The following IL1RAPL1 variants were observed in gnomAD, a reference collection of about 807,000 sequenced individuals.
IL1RAPL1 encodes the protein interleukin-1 receptor accessory protein-like 1.
In IL1RAPL1, 3 loss-of-function variants were observed where a neutral mutation model predicts 48.4. That is an observed-to-expected ratio of 0.06 (90% CI 0.03 to 0.16). IL1RAPL1 has a LOEUF of 0.16. Among genes scored for constraint, IL1RAPL1 ranks in the 10% least tolerant of loss-of-function variants. The pLI, the probability that IL1RAPL1 is intolerant of heterozygous loss-of-function variation, is 1.00. For missense variants in IL1RAPL1, 349 were observed against 530.6 expected, an observed-to-expected ratio of 0.66 and a Z score of 3.36; for synonymous variants, 185 against 187.7, an observed-to-expected ratio of 0.99 and a Z score of 0.12.
At chrX:28,785,254 A>G (rs189081891) in intron 1 of IL1RAPL1, among the ~76,000 whole-genome samples, 1 of 111,530 alleles carries the variant, frequency 9.0e-6, no homozygotes, top group East Asian at 2.9e-4. Flanking sequence ...CCTCCCCAGT[A>G]CCTGGGACTA....
intron 3 of IL1RAPL1, among the ~76,000 whole-genome samples, chrX:29,312,692 A>G (rs1932743806): frequency 9.0e-6 from 1 of 111,567 alleles, no homozygotes; most frequent in African/African-American, 3.3e-5. Flanking sequence ...AGTATACACC[A>G]CAGAAACAGA....
intron 2 of IL1RAPL1, among the ~76,000 whole-genome samples, chrX:28,849,262 A>G (rs1192902189): frequency 9.0e-6 from 1 of 111,611 alleles, no homozygotes; most frequent in African/African-American, 3.3e-5. Context: ...AAGAAGTACA[A>G]TTGAATTAAT....
chrX:28,588,487 T>C (rs1430945059), intron 1 of IL1RAPL1, among the ~76,000 whole-genome samples: 2 of 111,936 alleles, frequency 1.8e-5, no homozygotes, highest in African/African-American at 3.2e-5. Context: ...CTACTCTCTA[T>C]GCATTAAAAG....
At chrX:28,710,625 C>T (rs1391216302) in intron 1 of IL1RAPL1, among the ~76,000 whole-genome samples, 5 of 110,797 alleles carry the variant, frequency 4.5e-5, no homozygotes, top group African/African-American at 1.6e-4. Context: ...CTGTCCAAAA[C>T]AAATATTATG....
rs746404976 is a variant in IL1RAPL1 at position 29,058,777 on chromosome X, A to G, written c.83-224161A>G. 3.0e-4 allele frequency among the ~76,000 whole-genome samples: 34 copies of G among 111,852 alleles called. No homozygotes were observed. The South Asian group carries it at 4.5e-3, about 15-fold the overall frequency. ...GCAGCTTCTCTTCCACAGCAGTTCC[A>G]TATGTCTCCTACAGCTGTTCTACTT... On this transcript the variant is annotated intron_variant, in intron 2 of 10. Coordinates refer to ENST00000378993, the MANE Select transcript of IL1RAPL1 (RefSeq NM_014271.4).
intron 1 of IL1RAPL1, among the ~76,000 whole-genome samples, chrX:28,778,557 C>G (rs762400313): frequency 9.0e-6 from 1 of 111,699 alleles, no homozygotes; most frequent in Non-Finnish European, 1.9e-5. Flanking sequence ...ATACGAAAGG[C>G]GTAAGAAAGG....
At chrX:28,882,024 C>T (rs754411684) in intron 2 of IL1RAPL1, among the ~76,000 whole-genome samples, 19 of 109,640 alleles carry the variant, frequency 1.7e-4, no homozygotes, top group Non-Finnish European at 2.9e-4. Context: ...AATATAAATT[C>T]AAGAAATTCA....
intron 2 of IL1RAPL1, among the ~76,000 whole-genome samples, chrX:29,142,956 A>T (rs1929274312): frequency 9.0e-6 from 1 of 111,036 alleles, no homozygotes; most frequent in African/African-American, 3.3e-5. Flanking sequence ...CGACCTCCCA[A>T]AGTGCTGGGA....
chrX:29,529,446 T>G (rs1244135143), intron 5 of IL1RAPL1, among the ~76,000 whole-genome samples: 2 of 108,165 alleles, frequency 1.8e-5, no homozygotes, highest in East Asian at 5.9e-4. Context: ...ATACAAAAAT[T>G]AGCCGGGTGT....
rs1601825961 is a variant in IL1RAPL1 at position 28,587,615 on chromosome X, T to G, written c.-457T>G. ...TTTGCAAGCAACACTCCAATTCTTG[T>G]CATAGAGCTCGCAGACTTCTCACTT... On this transcript the variant is annotated 5_prime_UTR_variant, in exon 1 of 11. Transcript: ENST00000378993. 1 of 111,336 alleles carries G rather than the reference T, an allele frequency of 9.0e-6. No homozygotes were observed. The highest frequency in any genetic ancestry group is 3.8e-4 in the South Asian group (1 of 2,619). 9.2% of individuals were successfully genotyped at this position (111,336 alleles called of 1,213,427 possible). A position where few individuals can be genotyped will look rare whatever the true frequency, so the allele number is the denominator to read the frequency against.
chrX:29,632,314 A>G lies in IL1RAPL1; in HGVS notation c.704-36116A>G, dbSNP rs1042077009. ...CAGGCGCCCGCCACCACACCCTGCT[A>G]ATTTTTTTGTATTTTCAGTAGAGAC... On this transcript the variant is annotated intron_variant, in intron 5 of 10. Coordinates refer to ENST00000378993, the MANE Select transcript of IL1RAPL1 (RefSeq NM_014271.4). 3.7e-5 allele frequency among the ~76,000 whole-genome samples: 4 copies of G among 109,465 alleles called. No homozygotes were observed. In the Admixed American group the frequency reaches 3.9e-4, roughly 11 times the overall value.
At chrX:28,614,975 G>A (rs1829259422) in intron 1 of IL1RAPL1, among the ~76,000 whole-genome samples, 1 of 110,275 alleles carries the variant, frequency 9.1e-6, no homozygotes, top group Non-Finnish European at 1.9e-5. Flanking sequence ...TGCAAGCTCC[G>A]CCTCCCGGCT....
At chrX:29,153,693 T>A (rs922745160) in intron 2 of IL1RAPL1, among the ~76,000 whole-genome samples, 2 of 112,576 alleles carry the variant, frequency 1.8e-5, no homozygotes, top group Non-Finnish European at 1.9e-5. Flanking sequence ...TGTGTCATTA[T>A]CATAGCTGAT....
At chrX:29,741,935 GAAAAAAA>G (rs1182352727) in intron 6 of IL1RAPL1, among the ~76,000 whole-genome samples, 6 of 61,834 alleles carry the variant, frequency 9.7e-5, no homozygotes, top group African/African-American at 1.3e-4. Flanking sequence ...AAAAAAAAAA[GAAAAAAA>G]AAAAAAAAAA....
intron 1 of IL1RAPL1, among the ~76,000 whole-genome samples, chrX:28,631,131 C>G (rs952454865): frequency 8.9e-5 from 10 of 111,770 alleles, no homozygotes. Context: ...CTTGAGAAGC[C>G]ATACAGAGTG....
chrX:29,072,109 A>G (rs1045108652), intron 2 of IL1RAPL1, among the ~76,000 whole-genome samples: 4 of 110,290 alleles, frequency 3.6e-5, no homozygotes, highest in African/African-American at 1.3e-4. Flanking sequence ...CTTCCATCCA[A>G]TGATTCCCAG....
chrX:28,645,849 C>T (rs764161816), intron 1 of IL1RAPL1, among the ~76,000 whole-genome samples: 1 of 112,036 alleles, frequency 8.9e-6, no homozygotes, highest in South Asian at 3.7e-4. Context: ...GATTCCTCTT[C>T]TACCCCACCA....
chrX:29,757,342 C>A (rs761822288), intron 6 of IL1RAPL1, among the ~76,000 whole-genome samples: 1 of 111,953 alleles, frequency 8.9e-6, no homozygotes, highest in Admixed American at 9.5e-5. Flanking sequence ...TTTGACATCC[C>A]AGCCAAATAT....
At chrX:28,764,815 GCAAACA>G (rs1251199879) in intron 1 of IL1RAPL1, among the ~76,000 whole-genome samples, 4 of 103,229 alleles carry the variant, frequency 3.9e-5, no homozygotes, top group African/African-American at 1.2e-4. Context: ...ACACATGCAC[GCAAACA>G]CACACACACA....
Sources: allele counts gnomAD v4.1 joint callset (sites outside exome capture counted in the v4.1 genomes callset), GRCh38; gene constraint gnomAD v4.1.1; transcripts MANE v1.5; gene names NCBI Gene and HGNC (gene_info 2026-07-23, HGNC 2026-07-21).